The following PRKCH variants were observed in gnomAD, a reference collection of about 807,000 sequenced individuals.
PRKCH encodes protein kinase C eta.
Under a neutral mutation model 82.5 loss-of-function variants are expected in PRKCH, and 28 were observed. The ratio of observed to expected loss-of-function variants is 0.34; its 90% CI spans 0.25 to 0.47. The LOEUF is 0.47. Among genes scored for constraint, PRKCH ranks in the 20% least tolerant of loss-of-function variants. The pLI is 1.00. For synonymous variants in PRKCH, 322 were observed against 327.4 expected (o/e 0.98, Z 0.18); for missense variants, 705 against 881.8 (o/e 0.80, Z 2.54).
At chr14:61,380,037 T>G (rs1007944133) in intron 1 of PRKCH, among the ~76,000 whole-genome samples, 10 of 151,716 alleles carry the variant, frequency 6.6e-5, no homozygotes, top group African/African-American at 2.4e-4. Flanking sequence ...GAAAAGTACC[T>G]TCTTAGTTCT....
At chr14:61,454,953 T>A (rs1048084999) in intron 7 of PRKCH, among the ~76,000 whole-genome samples, 1 of 152,154 alleles carries the variant, frequency 6.6e-6, no homozygotes, top group African/African-American at 2.4e-5. Context: ...TTGATAATCC[T>A]GAAAATGTCA....
At chr14:61,274,232 A>T (rs2045183600) in intron 1 of PRKCH, among the ~76,000 whole-genome samples, 1 of 152,240 alleles carries the variant, frequency 6.6e-6, no homozygotes, top group Non-Finnish European at 1.5e-5. Flanking sequence ...GCATGAGCAA[A>T]GACACGGAGG....
chr14:61,210,813 T>TGTGTGC (rs1171409388), intron 1 of PRKCH, among the ~76,000 whole-genome samples: 1 of 151,244 alleles, frequency 6.6e-6, no homozygotes, highest in African/African-American at 2.4e-5. Flanking sequence ...TGTGTGTGTG[T>TGTGTGC]GCGTGCACGC....
chr14:61,474,376 T>C (rs1455352616), intron 9 of PRKCH, among the ~76,000 whole-genome samples: 2 of 152,324 alleles, frequency 1.3e-5, no homozygotes, highest in East Asian at 3.9e-4. Context: ...CTCCACCTCT[T>C]TTAATTTAGC....
chr14:61,231,390 T>C (rs934777559), intron 1 of PRKCH, among the ~76,000 whole-genome samples: 4 of 128,166 alleles, frequency 3.1e-5, no homozygotes, highest in Admixed American at 9.2e-5. Flanking sequence ...TGAGACAGAG[T>C]CTCACTCTGT....
intron 1 of PRKCH, among the ~76,000 whole-genome samples, chr14:61,323,016 G>A (rs1049174130): frequency 9.2e-5 from 14 of 152,152 alleles, no homozygotes; most frequent in African/African-American, 3.4e-4. Context: ...GGGTCTGCAC[G>A]TTGGCAGTTT....
intron 2 of PRKCH, among the ~76,000 whole-genome samples, chr14:61,427,321 A>G (rs932471885): frequency 6.6e-6 from 1 of 152,200 alleles, no homozygotes; most frequent in African/African-American, 2.4e-5. Flanking sequence ...TGAGATTCTT[A>G]TTATGTAGAT....
chr14:61,288,026 T>C (rs1269223388), intron 1 of PRKCH, among the ~76,000 whole-genome samples: 1 of 152,162 alleles, frequency 6.6e-6, no homozygotes, highest in Non-Finnish European at 1.5e-5. Flanking sequence ...TTTCAGAAAG[T>C]TATCAGATTT....
intron 1 of PRKCH, among the ~76,000 whole-genome samples, chr14:61,204,316 C>T (rs1341537323): frequency 1.3e-5 from 2 of 152,086 alleles, no homozygotes; most frequent in Non-Finnish European, 2.9e-5. Flanking sequence ...AGGTAAATTC[C>T]ATTATTTTGC....
intron 4 of PRKCH, among the ~76,000 whole-genome samples, chr14:61,448,526 G>A (rs1260382009): frequency 6.6e-6 from 1 of 152,228 alleles, no homozygotes; most frequent in Non-Finnish European, 1.5e-5. Context: ...TGAAGGGGCA[G>A]GCTAAGGGTT....
chr14:61,280,422 G>T lies in PRKCH; in HGVS notation c.-19+92754G>T, dbSNP rs1469467972. 15 of 1,613,886 alleles carry T rather than the reference G, an allele frequency of 9.3e-6. No homozygotes were observed. Among genetic ancestry groups the T allele is most frequent in the Non-Finnish European group, 1.3e-5 (15 of 1,179,906 alleles). ...CGAAGTCCTGATTGATGAAGCCGGT[G>T]TTGTTGGGGTCGGGGCTGAGCTCGT... On this transcript the variant is annotated intron_variant, in intron 1 of 3. Coordinates refer to the PRKCH transcript ENST00000555185. This position sits in a 1 kb window ranked among gnomAD's most constrained non-coding sequence, Gnocchi z 5.0.
At chr14:61,197,102 C>T (rs1324805234) in intron 1 of PRKCH, among the ~76,000 whole-genome samples, 1 of 152,146 alleles carries the variant, frequency 6.6e-6, no homozygotes, top group African/African-American at 2.4e-5. Flanking sequence ...GTTCTCCTTT[C>T]GTAGCAATCC....
chr14:61,301,044 G>T (rs1055754449), intron 1 of PRKCH, among the ~76,000 whole-genome samples: 3 of 152,076 alleles, frequency 2.0e-5, no homozygotes, highest in African/African-American at 4.8e-5. Context: ...CCATGGGACC[G>T]GAAGACCCAC....
At chr14:61,237,370 T>C (rs1004908828) in intron 1 of PRKCH, among the ~76,000 whole-genome samples, 1 of 152,202 alleles carries the variant, frequency 6.6e-6, no homozygotes, top group South Asian at 2.1e-4. Context: ...TATTTTGAAA[T>C]GACCTTACAA....
chr14:61,483,609 C>G (rs1194081289), intron 9 of PRKCH, among the ~76,000 whole-genome samples: 1 of 152,138 alleles, frequency 6.6e-6, no homozygotes, highest in Non-Finnish European at 1.5e-5. Flanking sequence ...ATAAGCCGTG[C>G]TTCCTTCTGA....
chr14:61,375,264 A>G (rs995081220), intron 1 of PRKCH, among the ~76,000 whole-genome samples: 1 of 152,064 alleles, frequency 6.6e-6, no homozygotes, highest in African/African-American at 2.4e-5. Flanking sequence ...CATTGTCCAT[A>G]TCGCTATCAG....
At chr14:61,441,743 TTGC>T (rs1279084199) in intron 2 of PRKCH, among the ~76,000 whole-genome samples, 5 of 151,540 alleles carry the variant, frequency 3.3e-5, no homozygotes, top group African/African-American at 1.2e-4. Context: ...TTTTTTTTTT[TTGC>T]CAAATAGAAC....
At chr14:61,378,555 T>C (rs1279233943) in intron 1 of PRKCH, among the ~76,000 whole-genome samples, 7 of 152,152 alleles carry the variant, frequency 4.6e-5, no homozygotes, top group African/African-American at 1.7e-4. Flanking sequence ...TGAGACCGCA[T>C]TGGGTTGTAA....
At chr14:61,485,356 C>A in intron 9 of PRKCH, 146 bp from the exon 10 acceptor site, 2 of 1,058,814 alleles carry the variant, frequency 1.9e-6, no homozygotes, top group Non-Finnish European at 2.8e-6. Context: ...GGTTGCACTG[C>A]ACCCTGACCC....
Sources: gnomAD v4.1 joint callset for allele counts (sites outside exome capture counted in the v4.1 genomes callset) on GRCh38, gnomAD v4.1.1 for gene constraint, Gnocchi (gnomAD v3.1) non-coding constraint, MANE v1.5 for transcripts, NCBI Gene and HGNC (gene_info 2026-07-23, HGNC 2026-07-21) for gene names.